Variants in PCDHGA3 observed in about 807,000 individuals in gnomAD.
PCDHGA3 encodes protocadherin gamma subfamily A, 3.
PCDHGA3 carries 40 observed loss-of-function variants against 58.5 expected under a neutral mutation model. The ratio of observed to expected loss-of-function variants is 0.68; its 90% CI spans 0.53 to 0.89. The LOEUF (loss-of-function observed/expected upper bound fraction) is 0.89. Ranked by LOEUF, PCDHGA3 falls within the 40% of genes least tolerant of loss-of-function variation. PCDHGA3 has a pLI of 0.00. For synonymous variants in PCDHGA3, 530 were observed against 525.7 expected, an observed-to-expected ratio of 1.01 and a Z score of -0.11; for missense variants, 1,223 against 1,195.9, an observed-to-expected ratio of 1.02 and a Z score of -0.33.
chr5:141,376,532 G>A lies in PCDHGA3; in HGVS notation c.2424+30075G>A, dbSNP rs763806361. On this transcript the variant is annotated intron_variant, in intron 1 of 3. Transcript: ENST00000253812. ...GGTGAGTTTCTTTCCGCCTAAGCGGGAAGAGTAATCTGATCTTCCCGCAAC... is the reference window on the plus strand; with the variant it reads ...GGTGAGTTTCTTTCCGCCTAAGCGGAAAGAGTAATCTGATCTTCCCGCAAC... 3.7e-6 allele frequency: 6 copies of A among 1,613,740 alleles called. No individual in the cohort carries two copies. The Admixed American group carries it at 1.0e-4, about 27-fold the overall frequency.
At chr5:141,405,955 CCTG>C (rs1293666113) in intron 1 of PCDHGA3, among the ~76,000 whole-genome samples, 4 of 152,056 alleles carry the variant, frequency 2.6e-5, no homozygotes, top group African/African-American at 9.7e-5. Context: ...TAATAATTAA[CCTG>C]CTGTCAACGT....
At chr5:141,409,054 T>C (rs1314214077) in intron 1 of PCDHGA3, 2 of 1,613,910 alleles carry the variant, frequency 1.2e-6, no homozygotes, top group Non-Finnish European at 1.7e-6. Flanking sequence ...TCCGAAGCAC[T>C]GCCCAGAGCA....
intron 1 of PCDHGA3, chr5:141,355,841 C>A (rs1266019965): frequency 1.2e-6 from 2 of 1,612,290 alleles, no homozygotes; most frequent in East Asian, 4.5e-5. Context: ...GTTCTCACGG[C>A]CTTCGATGGA....
In PCDHGA3 at chr5:141,510,272, T is replaced by TAAA. The variant is rs546154379; in HGVS notation, c.2573-658_2573-656dup. 1.5e-3 allele frequency among the ~76,000 whole-genome samples: 198 copies of TAAA among 130,372 alleles called. 1 individual carries two copies. Among genetic ancestry groups the TAAA allele is most frequent in the Non-Finnish European group, 2.8e-3 (172 of 61,058 alleles). The allele number at this position is 130,372 out of a possible 152,430, so 85.5% of individuals were successfully genotyped here. ...TGGGCGACAGAGCAGGACTCCATCTTAAAAAAAAAAAAAAAAAAATGCTGT... is the reference window on the plus strand; with the variant it reads ...TGGGCGACAGAGCAGGACTCCATCTTAAAAAAAAAAAAAAAAAAAAAATGCTGT... On this transcript the variant is annotated intron_variant, in intron 3 of 3. Coordinates refer to ENST00000253812, the MANE Select transcript of PCDHGA3 (RefSeq NM_018916.4).
chr5:141,372,282 CG>C (rs1768601013), intron 1 of PCDHGA3: 1 of 1,613,084 alleles, frequency 6.2e-7, no homozygotes, highest in African/African-American at 1.3e-5. Context: ...GCGCACGGCG[CG>C]TACCTTGGGC....
chr5:141,500,901 G>T (rs984072329), intron 2 of PCDHGA3, among the ~76,000 whole-genome samples: 1 of 144,582 alleles, frequency 6.9e-6, no homozygotes, highest in Non-Finnish European at 1.5e-5. Context: ...AGACAGTCTC[G>T]CTCTGTCTCC....
chr5:141,375,429 C>T (rs1049627462), intron 1 of PCDHGA3: 1 of 1,613,840 alleles, frequency 6.2e-7, no homozygotes, highest in African/African-American at 1.3e-5. Context: ...AACGACAACC[C>T]GCCCACCTTC....
At position 141,491,884 on chromosome 5, in the gene PCDHGA3, G is replaced by A. The variant is rs745931108; in HGVS notation, c.2425-2923G>A. The A allele has an allele frequency of 2.8e-6, 4 of 1,446,372 alleles. No homozygotes were observed. The highest frequency in any genetic ancestry group is 2.9e-5 in the Admixed American group (1 of 34,718). 89.6% of individuals were successfully genotyped at this position (1,446,372 alleles called of 1,614,324 possible). ...AACCAGAGTGGCCGATTAAGGGATG[G>A]GGCTCCGAGCACCGGGGGTGGTGGC... On this transcript the variant is annotated intron_variant, in intron 1 of 3. Coordinates refer to ENST00000253812, the MANE Select transcript of PCDHGA3 (RefSeq NM_018916.4). This position sits in a 1 kb window ranked among gnomAD's most constrained non-coding sequence, Gnocchi z 6.9.
chr5:141,360,293 A>G, intron 1 of PCDHGA3: 1 of 1,613,970 alleles, frequency 6.2e-7, no homozygotes, highest in Non-Finnish European at 8.5e-7. Flanking sequence ...CTCGCCAAGG[A>G]TCTGGGGCTC....
At chr5:141,404,859 A>G in intron 1 of PCDHGA3, 1 of 1,613,494 alleles carries the variant, frequency 6.2e-7, no homozygotes, top group South Asian at 1.1e-5. Flanking sequence ...CTAGATAGAG[A>G]TGCGCTCAAA....
chr5:141,456,701 G>A lies in PCDHGA3; in HGVS notation c.2425-38106G>A, dbSNP rs370086323. ...CATTACTGGCCAGGCGTGGTGGCTC[G>A]CGCCTGTAATCCCAGCACTTTGGGA... On this transcript the variant is annotated intron_variant, in intron 1 of 3. Transcript: ENST00000253812. 2.3e-4 allele frequency among the ~76,000 whole-genome samples: 35 copies of A among 152,106 alleles called. No homozygotes were observed. The South Asian group carries it at 4.8e-3, about 21-fold the overall frequency.
At position 141,477,886 on chromosome 5, in the gene PCDHGA3, G is replaced by A. The variant is rs2099422999; in HGVS notation, c.2425-16921G>A. 2 of 1,614,188 alleles carry A rather than the reference G, an allele frequency of 1.2e-6. No homozygotes were observed. The highest frequency in any genetic ancestry group is 1.7e-6 in the Non-Finnish European group (2 of 1,180,040). ...GAGGTACCTCAGCTGGCCACCTAGT[G>A]TCACGGGTGGTAGGCTGGGACGCGG... On this transcript the variant is annotated intron_variant, in intron 1 of 3. Transcript: ENST00000253812. The surrounding 1 kb of genome is among the most constrained non-coding windows in gnomAD (Gnocchi z 4.9).
rs755602367 is a variant in PCDHGA3, at chr5:141,415,231, G to A, written c.2424+68774G>A. ...GGACCTCGGCAGCTTCGAGTCTCCA[G>A]CTAACTCTGAAACCTCAGACCTCAC... On this transcript the variant is annotated intron_variant, in intron 1 of 3. Transcript: ENST00000253812. 2.1e-5 allele frequency: 34 copies of A among 1,614,042 alleles called. No homozygotes were observed. The South Asian group carries it at 3.2e-4, about 15-fold the overall frequency.
chr5:141,385,110 C>A (rs1315178545), intron 1 of PCDHGA3: 2 of 1,614,076 alleles, frequency 1.2e-6, no homozygotes, highest in African/African-American at 2.7e-5. Context: ...ACGTGCCCAC[C>A]TCGCACTTTG....
chr5:141,431,660 A>G lies in PCDHGA3; in HGVS notation c.2425-63147A>G. On this transcript the variant is annotated intron_variant, in intron 1 of 3. Transcript: ENST00000253812. This position sits in a 1 kb window ranked among gnomAD's most constrained non-coding sequence, Gnocchi z 4.8. ...CAAACTAGATTGTAATTCAGGGACA[A>G]TATCAACAATAGGGGAGTTGGACCA... 7 of 1,614,256 alleles carry G rather than the reference A, an allele frequency of 4.3e-6. No individual in the cohort carries two copies. The highest frequency in any genetic ancestry group is 5.1e-6 in the Non-Finnish European group (6 of 1,180,046).
At chr5:141,445,364 C>T (rs1374418361) in intron 1 of PCDHGA3, among the ~76,000 whole-genome samples, 1 of 152,158 alleles carries the variant, frequency 6.6e-6, no homozygotes, top group African/African-American at 2.4e-5. Flanking sequence ...CAAGTCTGGT[C>T]CTGGGTGGTT....
intron 1 of PCDHGA3, chr5:141,430,662 C>A: frequency 8.6e-7 from 1 of 1,169,068 alleles, no homozygotes; most frequent in Non-Finnish European, 1.2e-6. Context: ...AACGGAGGAG[C>A]TCTGACTTCC....
intron 1 of PCDHGA3, chr5:141,389,586 G>T: frequency 6.2e-7 from 1 of 1,613,166 alleles, no homozygotes; most frequent in Non-Finnish European, 8.5e-7. Context: ...GCTGGGTCCC[G>T]ACGGCTCTGC....
In PCDHGA3 at chr5:141,431,509, C is replaced by T. The variant is rs774558486; in HGVS notation, c.2425-63298C>T. The T allele has an allele frequency of 3.1e-6, 5 of 1,613,992 alleles. 1 individual carries two copies. In the Admixed American group the frequency reaches 5.0e-5, roughly 16 times the overall value. On this transcript the variant is annotated intron_variant, in intron 1 of 3. Coordinates refer to ENST00000253812, the MANE Select transcript of PCDHGA3 (RefSeq NM_018916.4). This position sits in a 1 kb window ranked among gnomAD's most constrained non-coding sequence, Gnocchi z 4.8. ...TTGCTCAGCCCGAGTACCGCGCGAG[C>T]GTTCCGGAGAATCTGGCCTTGGGCA...
Sources: allele counts gnomAD v4.1 joint callset (sites outside exome capture counted in the v4.1 genomes callset), GRCh38; gene constraint gnomAD v4.1.1; non-coding constraint Gnocchi (gnomAD v3.1); transcripts MANE v1.5; gene names NCBI Gene and HGNC (gene_info 2026-07-23, HGNC 2026-07-21).